SLC24A2: variants seen among roughly 807,000 people sequenced by gnomAD.
SLC24A2 encodes the protein solute carrier family 24 member 2.
SLC24A2 carries 36 observed loss-of-function variants against 62.0 expected under a neutral mutation model. The observed-to-expected ratio is 0.58, with a 90% CI of 0.44 to 0.77. SLC24A2 has a LOEUF of 0.77. Ranked by LOEUF, SLC24A2 falls within the 30% of genes least tolerant of loss-of-function variation. The pLI is 0.00. For synonymous variants in SLC24A2, 358 were observed against 294.0 expected, an observed-to-expected ratio of 1.22 and a Z score of -2.23; for missense variants, 846 against 817.9, an observed-to-expected ratio of 1.03 and a Z score of -0.42.
At chr9:19,755,986 A>G (rs60212381) in intron 2 of SLC24A2, among the ~76,000 whole-genome samples, 3 of 152,182 alleles carry the variant, frequency 2.0e-5, no homozygotes, top group African/African-American at 7.2e-5. Context: ...TCCACCTAGG[A>G]GAGACAATCC....
At chr9:19,608,774 TCTCTCA>T (rs1304193706) in intron 4 of SLC24A2, among the ~76,000 whole-genome samples, 1 of 151,434 alleles carries the variant, frequency 6.6e-6, no homozygotes, top group Admixed American at 6.6e-5. Context: ...TCTCTCTCTC[TCTCTCA>T]CACACACACA....
the SLC24A2 span, among the ~76,000 whole-genome samples, chr9:20,272,949 C>G: frequency 1.3e-5 from 2 of 152,178 alleles, no homozygotes; most frequent in Non-Finnish European, 2.9e-5. Context: ...TTTACTGGAT[C>G]CTGATCCCAG....
chr9:20,145,934 T>C, the SLC24A2 span, among the ~76,000 whole-genome samples: 1 of 56,294 alleles, frequency 1.8e-5, no homozygotes. Context: ...CATTTTATTT[T>C]GTATATCTTG....
At chr9:19,877,601 A>G in the SLC24A2 span, among the ~76,000 whole-genome samples, 2 of 151,804 alleles carry the variant, frequency 1.3e-5, no homozygotes, top group Non-Finnish European at 2.9e-5. Context: ...TGAGATGGCC[A>G]GAAGTGACTT....
the SLC24A2 span, among the ~76,000 whole-genome samples, chr9:20,198,287 G>T: frequency 6.6e-6 from 1 of 152,194 alleles, no homozygotes; most frequent in African/African-American, 2.4e-5. Context: ...GGAGTGAATT[G>T]TTGCTCTGAC....
the SLC24A2 span, among the ~76,000 whole-genome samples, chr9:20,160,343 A>G: frequency 6.6e-6 from 1 of 151,432 alleles, no homozygotes; most frequent in South Asian, 2.1e-4. Context: ...CATTAGTAAC[A>G]GAAGACTTTA....
chr9:19,738,844 C>T (rs1587247362), intron 2 of SLC24A2, among the ~76,000 whole-genome samples: 2 of 152,076 alleles, frequency 1.3e-5, no homozygotes, highest in Non-Finnish European at 2.9e-5. Context: ...TCTAGCCAGG[C>T]GTGGTGGCTC....
chr9:19,669,895 G>A (rs1240566730), intron 2 of SLC24A2, among the ~76,000 whole-genome samples: 1 of 152,198 alleles, frequency 6.6e-6, no homozygotes, highest in African/African-American at 2.4e-5. Flanking sequence ...TGATGAGGAT[G>A]TGGACATCTT....
At chr9:19,778,427 T>A (rs974053079) in intron 2 of SLC24A2, among the ~76,000 whole-genome samples, 1 of 151,964 alleles carries the variant, frequency 6.6e-6, no homozygotes, top group Admixed American at 6.6e-5. Context: ...AAGCTGAGAC[T>A]CCTGAAGGGT....
chr9:19,545,094 G>C (rs1834484351), intron 8 of SLC24A2, among the ~76,000 whole-genome samples: 1 of 151,966 alleles, frequency 6.6e-6, no homozygotes, highest in African/African-American at 2.4e-5. Context: ...TTTTCACATA[G>C]TCCCATATTT....
At chr9:19,718,892 C>T (rs761910416) in intron 2 of SLC24A2, among the ~76,000 whole-genome samples, 5 of 152,128 alleles carry the variant, frequency 3.3e-5, no homozygotes, top group African/African-American at 4.8e-5. Context: ...GGTTTCTTGC[C>T]GTTTGAGATT....
chr9:20,274,537 C>T, the SLC24A2 span, among the ~76,000 whole-genome samples: 1 of 151,966 alleles, frequency 6.6e-6, no homozygotes, highest in East Asian at 1.9e-4. Flanking sequence ...AAACTCAGGT[C>T]TCTCTACCAA....
chr9:19,899,039 C>G, the SLC24A2 span, among the ~76,000 whole-genome samples: 1 of 152,146 alleles, frequency 6.6e-6, no homozygotes, highest in Admixed American at 6.6e-5. Context: ...AATGCTGCTC[C>G]CTGACTCCAG....
At chr9:19,583,656 C>G (rs1836275150) in intron 5 of SLC24A2, among the ~76,000 whole-genome samples, 1 of 152,070 alleles carries the variant, frequency 6.6e-6, no homozygotes, top group African/African-American at 2.4e-5. Context: ...AAGCCCATGG[C>G]CCCAGTGGAA....
chr9:20,009,797 T>C, the SLC24A2 span, among the ~76,000 whole-genome samples: 3 of 152,106 alleles, frequency 2.0e-5, no homozygotes, highest in African/African-American at 7.2e-5. Flanking sequence ...AGCTGCAGCA[T>C]GATTACTCAA....
At chr9:19,716,105 T>C (rs1424151633) in intron 2 of SLC24A2, among the ~76,000 whole-genome samples, 1 of 152,224 alleles carries the variant, frequency 6.6e-6, no homozygotes, top group Non-Finnish European at 1.5e-5. Flanking sequence ...AATAATCTAC[T>C]TATCAGGCTA....
chr9:20,135,364 A>C, the SLC24A2 span, among the ~76,000 whole-genome samples: 1,515 of 108,936 alleles, frequency 0.014, 204 homozygotes, highest in African/African-American at 0.055. Flanking sequence ...TTAAAATTTT[A>C]ATTTTTAATT....
At chr9:19,785,220 G>C (rs899582935) in intron 2 of SLC24A2, among the ~76,000 whole-genome samples, 1 of 152,176 alleles carries the variant, frequency 6.6e-6, no homozygotes, top group African/African-American at 2.4e-5. Context: ...CTAAGTGGTA[G>C]GATGGCCACG....
In SLC24A2 at chr9:19,653,224, C is replaced by A. The variant is rs370623269; in HGVS notation, c.931-30925G>T. On this transcript the variant is annotated intron_variant, in intron 2 of 10. Coordinates refer to ENST00000341998, the MANE Select transcript of SLC24A2 (RefSeq NM_020344.4). ...CAAGACTTGTCTTTGAAATCTTTCT[C>A]AACAGCATGGCCAGAAGTGTGTCCA... is the stretch of plus-strand genomic sequence containing the variant. Among the ~76,000 whole-genome samples, 25 of 152,326 alleles carry A rather than the reference C, an allele frequency of 1.6e-4. 1 individual carries two copies. The highest frequency in any genetic ancestry group is 5.8e-4 in the African/African-American group (24 of 41,576).
Sources: gnomAD v4.1 joint callset for allele counts (sites outside exome capture counted in the v4.1 genomes callset) on GRCh38, gnomAD v4.1.1 for gene constraint, MANE v1.5 for transcripts, NCBI Gene and HGNC (gene_info 2026-07-23, HGNC 2026-07-21) for gene names.